Variants in TRMT11 observed in about 807,000 individuals in gnomAD.
The protein encoded by TRMT11 is tRNA methyltransferase 11, also known as tRNA (guanine(10)-N(2))-methyltransferase TRMT11.
Under a neutral mutation model 62.8 loss-of-function variants are expected in TRMT11, and 53 were observed. That is an observed-to-expected ratio of 0.84 (90% CI 0.68 to 1.06). The LOEUF (loss-of-function observed/expected upper bound fraction) is 1.06, where lower values mean the gene tolerates loss of function less well. Ranked by LOEUF, TRMT11 falls within the 50% of genes least tolerant of loss-of-function variation. TRMT11 has a pLI of 0.00. For synonymous variants in TRMT11, 188 were observed against 190.3 expected (o/e 0.99, Z 0.10); for missense variants, 556 against 553.4 (o/e 1.00, Z -0.05).
intron 21 of TRMT11, among the ~76,000 whole-genome samples, chr6:126,138,177 T>G (rs76429165): frequency 0.028 from 4,323 of 152,048 alleles, 102 homozygotes; most frequent in Non-Finnish European, 0.04. Context: ...TTACTCTGAC[T>G]TGATCACTAT....
intron 21 of TRMT11, among the ~76,000 whole-genome samples, chr6:126,149,093 A>G (rs1361778698): frequency 1.3e-5 from 2 of 152,220 alleles, no homozygotes; most frequent in Non-Finnish European, 2.9e-5. Flanking sequence ...TTTGACCTCA[A>G]TGTAATGACC....
chr6:126,121,607 T>C (rs1376046919), intron 21 of TRMT11, among the ~76,000 whole-genome samples: 1 of 152,102 alleles, frequency 6.6e-6, no homozygotes, highest in Admixed American at 6.6e-5. Context: ...AAATGTGGAA[T>C]TAGTTAATTA....
the TRMT11 span, chr6:126,257,909 G>C: frequency 6.6e-7 from 1 of 1,505,782 alleles, no homozygotes; most frequent in Admixed American, 1.7e-5. Context: ...CATTCACCTG[G>C]GTCAAGGACC....
rs761749693 is a variant in TRMT11 at position 126,008,520 on chromosome 6, A to T, written c.760+48A>T. On this transcript the variant is annotated intron_variant, in intron 8 of 12. Coordinates refer to ENST00000334379, the MANE Select transcript of TRMT11 (RefSeq NM_001031712.3). ...ATTATAGTCATTGCTGTGGTGCCAA[A>T]TGTACCTTTAAACATACAGTTGACC... The T allele has an allele frequency of 6.8e-6, 10 of 1,479,588 alleles. No homozygotes were observed. The Admixed American group carries it at 1.7e-4, about 25-fold the overall frequency. The allele number at this position is 1,479,588 out of a possible 1,614,324, so 91.7% of individuals were successfully genotyped here.
intron 21 of TRMT11, among the ~76,000 whole-genome samples, chr6:126,153,133 T>C (rs1778077994): frequency 6.6e-6 from 1 of 152,214 alleles, no homozygotes; most frequent in African/African-American, 2.4e-5. Flanking sequence ...AATAATATTA[T>C]ATCTTGGAAA....
At chr6:126,044,361 C>T (rs565922476) in intron 16 of TRMT11, among the ~76,000 whole-genome samples, 51 of 152,278 alleles carry the variant, frequency 3.3e-4, no homozygotes, top group African/African-American at 1.2e-3. Context: ...GATCAGATAG[C>T]TGTAGATATG....
intron 11 of TRMT11, among the ~76,000 whole-genome samples, chr6:126,017,886 A>G (rs529707250): frequency 9.2e-5 from 14 of 152,342 alleles, no homozygotes; most frequent in African/African-American, 3.4e-4. Context: ...TACACATACA[A>G]TCCAGGTGTT....
chr6:126,140,120 T>G lies in TRMT11; in HGVS notation c.*1823+24265T>G, dbSNP rs182584103. The stretch of plus-strand genomic sequence containing the variant: ...AGAAGATTAAAAATGAGGTATTAAA[T>G]TTTAGTCAATACCTTTACATTACTT... On this transcript the variant is annotated intron_variant and NMD_transcript_variant, in intron 21 of 22. Coordinates refer to the TRMT11 transcript ENST00000648977. Among the ~76,000 whole-genome samples the G allele has an allele frequency of 1.4e-3, 211 of 152,238 alleles. 3 individuals are homozygous for G. Among genetic ancestry groups the G allele is most frequent in the Non-Finnish European group, 6.5e-4 (44 of 67,978 alleles).
chr6:126,108,839 C>T (rs2128185706), intron 17 of TRMT11, among the ~76,000 whole-genome samples: 1 of 152,276 alleles, frequency 6.6e-6, no homozygotes. Context: ...AGGTGCCTTG[C>T]TAATGGCTAG....
At chr6:126,160,850 C>T (rs1195072080) in intron 21 of TRMT11, among the ~76,000 whole-genome samples, 1 of 152,090 alleles carries the variant, frequency 6.6e-6, no homozygotes. Flanking sequence ...TTAGGTGAAG[C>T]TAACAAATGA....
At chr6:126,228,383 C>T in the TRMT11 span, among the ~76,000 whole-genome samples, 3 of 152,182 alleles carry the variant, frequency 2.0e-5, no homozygotes, top group Admixed American at 1.3e-4. Flanking sequence ...ATAAAAGTTC[C>T]TGAGATGAAG....
chr6:126,270,906 C>T, the TRMT11 span, among the ~76,000 whole-genome samples: 1 of 152,178 alleles, frequency 6.6e-6, no homozygotes, highest in Non-Finnish European at 1.5e-5. Context: ...TGTGTTCTTA[C>T]TCTTCAGAGT....
chr6:126,018,889 AT>A (rs916878952), intron 11 of TRMT11, among the ~76,000 whole-genome samples: 43 of 150,316 alleles, frequency 2.9e-4, no homozygotes, highest in African/African-American at 9.5e-4. Flanking sequence ...ACTTTATTTT[AT>A]TTTTTTTTTG....
chr6:126,067,311 G>T (rs1380135781), intron 17 of TRMT11, among the ~76,000 whole-genome samples: 3 of 151,892 alleles, frequency 2.0e-5, no homozygotes, highest in African/African-American at 7.3e-5. Flanking sequence ...TCAAGAAATA[G>T]AATACAGTAT....
intron 1 of TRMT11, among the ~76,000 whole-genome samples, chr6:126,193,633 C>G (rs1778631184): frequency 6.6e-6 from 1 of 151,396 alleles, no homozygotes; most frequent in South Asian, 2.1e-4. Context: ...GCTGGGACCA[C>G]AGGAGCCCGC....
intron 1 of TRMT11, among the ~76,000 whole-genome samples, chr6:126,195,927 A>T (rs1778660997): frequency 6.6e-6 from 1 of 152,136 alleles, no homozygotes; most frequent in Non-Finnish European, 1.5e-5. Context: ...TAAAGTTATC[A>T]TCTTGTGGCT....
At chr6:126,215,712 A>G in the TRMT11 span, among the ~76,000 whole-genome samples, 1 of 151,694 alleles carries the variant, frequency 6.6e-6, no homozygotes. Flanking sequence ...GATATGTTCT[A>G]ATTTCTTGGT....
chr6:126,178,641 A>C (rs754688987), intron 1 of TRMT11, among the ~76,000 whole-genome samples: 15 of 152,178 alleles, frequency 9.9e-5, no homozygotes, highest in Non-Finnish European at 2.2e-4. Context: ...TGAAATCCTA[A>C]GTATGTATAG....
chr6:126,186,698 C>T (rs1050942761), intron 1 of TRMT11, among the ~76,000 whole-genome samples: 8 of 151,894 alleles, frequency 5.3e-5, no homozygotes, highest in East Asian at 3.9e-4. Context: ...GTTAAATATC[C>T]GCATAGATCT....
Sources: allele counts gnomAD v4.1 joint callset (sites outside exome capture counted in the v4.1 genomes callset), GRCh38; gene constraint gnomAD v4.1.1; transcripts MANE v1.5; gene names NCBI Gene and HGNC (gene_info 2026-07-23, HGNC 2026-07-21).